The following ARHGEF6 variants were observed in gnomAD, a reference collection of about 807,000 sequenced individuals.
ARHGEF6 encodes Rac/Cdc42 guanine nucleotide exchange factor 6, also known as rho guanine nucleotide exchange factor 6.
Under a neutral mutation model 70.3 loss-of-function variants are expected in ARHGEF6, and 9 were observed. The ratio of observed to expected loss-of-function variants is 0.13; its 90% CI spans 0.08 to 0.22. ARHGEF6 has a LOEUF of 0.22. ARHGEF6 is among the 10% of genes least tolerant of loss of function. ARHGEF6 has a pLI of 1.00. For synonymous variants in ARHGEF6, 201 were observed against 207.8 expected, an observed-to-expected ratio of 0.97 and a Z score of 0.28; for missense variants, 470 against 563.0, an observed-to-expected ratio of 0.83 and a Z score of 1.67.
At chrX:136,758,306 C>T (rs886141242) in intron 2 of ARHGEF6, among the ~76,000 whole-genome samples, 5 of 109,535 alleles carry the variant, frequency 4.6e-5, no homozygotes, top group Non-Finnish European at 7.6e-5. Context: ...CCGCCTCGGC[C>T]TCCGAAAGTG....
intron 9 of ARHGEF6, among the ~76,000 whole-genome samples, chrX:136,700,203 A>G (rs929276108): frequency 8.1e-5 from 9 of 111,066 alleles, no homozygotes; most frequent in African/African-American, 2.6e-4. Context: ...CAAGACACAG[A>G]CTCTATTTAA....
rs1208976232 is a variant in ARHGEF6, at chrX:136,668,178, G to A, written c.2191-9C>T. 8.3e-7 allele frequency: 1 copy of A among 1,208,756 alleles called. No individual in the cohort carries two copies. Among genetic ancestry groups the A allele is most frequent in the African/African-American group, 1.8e-5 (1 of 56,918 alleles). On this transcript the variant is annotated splice_polypyrimidine_tract_variant and intron_variant, in intron 21 of 21. Coordinates refer to ENST00000250617, the MANE Select transcript of ARHGEF6 (RefSeq NM_004840.3). ...TTCATTCTTTTATTTTCCTATGATGGGGAAAGATTTGTTGATTATCAAACA... is the reference window on the plus strand; with the variant it reads ...TTCATTCTTTTATTTTCCTATGATGAGGAAAGATTTGTTGATTATCAAACA...
At chrX:136,742,712 T>C (rs2077056760) in intron 5 of ARHGEF6, among the ~76,000 whole-genome samples, 1 of 111,811 alleles carries the variant, frequency 8.9e-6, no homozygotes, top group African/African-American at 3.3e-5. Flanking sequence ...CAGTGGCTTA[T>C]GCCTGTAATC....
At chrX:136,772,999 T>C (rs1296524178) in intron 2 of ARHGEF6, among the ~76,000 whole-genome samples, 2 of 111,721 alleles carry the variant, frequency 1.8e-5, no homozygotes, top group African/African-American at 6.5e-5. Flanking sequence ...TGTGTGATCC[T>C]CTAAAGACCC....
intron 2 of ARHGEF6, among the ~76,000 whole-genome samples, chrX:136,763,596 G>A (rs968735375): frequency 1.8e-5 from 2 of 112,124 alleles, no homozygotes; most frequent in African/African-American, 3.2e-5. Context: ...AAGCCAAGTC[G>A]GGTGGATCAC....
At chrX:136,723,094 G>A (rs766431968) in intron 6 of ARHGEF6, among the ~76,000 whole-genome samples, 1 of 112,298 alleles carries the variant, frequency 8.9e-6, no homozygotes, top group African/African-American at 3.2e-5. Flanking sequence ...TCCAGAATAG[G>A]CAAAATCCAT....
At chrX:136,769,857 G>GAT (rs1411817566) in intron 2 of ARHGEF6, among the ~76,000 whole-genome samples, 4 of 112,149 alleles carry the variant, frequency 3.6e-5, no homozygotes, top group Non-Finnish European at 7.5e-5. Flanking sequence ...CATTCTGTAA[G>GAT]AAAGTAAGAA....
intron 3 of ARHGEF6, among the ~76,000 whole-genome samples, chrX:136,745,864 A>C (rs2077090503): frequency 8.9e-6 from 1 of 111,758 alleles, no homozygotes; most frequent in Non-Finnish European, 1.9e-5. Flanking sequence ...TGTGTTTGGG[A>C]AAGATGTAAT....
chrX:136,671,248 T>A (rs1046295341), intron 20 of ARHGEF6, among the ~76,000 whole-genome samples: 1 of 111,269 alleles, frequency 9.0e-6, no homozygotes, highest in Non-Finnish European at 1.9e-5. Context: ...GAAGTGGGAG[T>A]TGAACCACAC....
chrX:136,768,992 G>A (rs947767389), intron 2 of ARHGEF6, among the ~76,000 whole-genome samples: 10 of 108,544 alleles, frequency 9.2e-5, no homozygotes, highest in African/African-American at 3.0e-4. Context: ...GAGAGGGAGA[G>A]AGAGTAAGAG....
intron 15 of ARHGEF6, among the ~76,000 whole-genome samples, chrX:136,680,382 G>A (rs1041038227): frequency 8.9e-6 from 1 of 112,390 alleles, no homozygotes; most frequent in Admixed American, 9.4e-5. Flanking sequence ...TATTTGTTTC[G>A]ACTTAGCCCA....
chrX:136,682,427 T>C (rs2076341523), intron 13 of ARHGEF6, among the ~76,000 whole-genome samples: 1 of 112,110 alleles, frequency 8.9e-6, no homozygotes, highest in South Asian at 3.7e-4. Context: ...AAGACAAACA[T>C]AGGAGCAGGT....
intron 18 of ARHGEF6, among the ~76,000 whole-genome samples, chrX:136,675,351 G>C (rs777215894): frequency 8.4e-5 from 9 of 107,751 alleles, no homozygotes; most frequent in African/African-American, 1.0e-4. Context: ...GGACCGGGGT[G>C]GGGGGGGCGG....
chrX:136,772,273 G>A (rs1356172655), intron 2 of ARHGEF6, among the ~76,000 whole-genome samples: 2 of 112,032 alleles, frequency 1.8e-5, no homozygotes, highest in Non-Finnish European at 3.8e-5. Context: ...AAGTATATTG[G>A]GGAAGGAGGC....
At chrX:136,699,966 G>A (rs1451644513) in intron 9 of ARHGEF6, among the ~76,000 whole-genome samples, 1 of 111,200 alleles carries the variant, frequency 9.0e-6, no homozygotes, top group Admixed American at 9.6e-5. Context: ...CTGACCTGAG[G>A]AAGGTACAAT....
chrX:136,715,411 C>T (rs921326986), intron 6 of ARHGEF6, among the ~76,000 whole-genome samples: 2 of 111,006 alleles, frequency 1.8e-5, no homozygotes, highest in Non-Finnish European at 1.9e-5. Flanking sequence ...TTTCATTTTT[C>T]AGTCTGACAT....
rs1479251327 is a variant in ARHGEF6 at position 136,741,471 on chromosome X, G to A, written c.661+2114C>T. Among the ~76,000 whole-genome samples, 13 of 110,213 alleles carry A rather than the reference G, an allele frequency of 1.2e-4. No individual in the cohort carries two copies. In the Admixed American group the frequency reaches 1.2e-3, roughly 11 times the overall value. ...CAGTAAGGCTTCCAACCAACAGTAG[G>A]CTATTAGAAGTTAAGTTTTGGAGGA... is the stretch of plus-strand genomic sequence containing the variant. On this transcript the variant is annotated intron_variant, in intron 5 of 21. Coordinates refer to ENST00000250617, the MANE Select transcript of ARHGEF6 (RefSeq NM_004840.3).
intron 6 of ARHGEF6, among the ~76,000 whole-genome samples, chrX:136,729,703 G>A (rs1040734697): frequency 6.3e-4 from 68 of 107,643 alleles, no homozygotes; most frequent in African/African-American, 2.1e-3. Flanking sequence ...GGTGGCGCTC[G>A]CCTGTAGTCC....
chrX:136,709,971 A>T (rs1159416910), intron 7 of ARHGEF6, among the ~76,000 whole-genome samples: 1 of 109,826 alleles, frequency 9.1e-6, no homozygotes, highest in East Asian at 2.9e-4. Flanking sequence ...GTCAAAAAAT[A>T]AAAAAGCCCA....
Sources: gnomAD v4.1 joint callset for allele counts (sites outside exome capture counted in the v4.1 genomes callset) on GRCh38, gnomAD v4.1.1 for gene constraint, MANE v1.5 for transcripts, NCBI Gene and HGNC (gene_info 2026-07-23, HGNC 2026-07-21) for gene names.